The following ATXN3 variants were observed in gnomAD, a reference collection of about 807,000 sequenced individuals.
The protein encoded by ATXN3 is ataxin 3.
Under a neutral mutation model 58.2 loss-of-function variants are expected in ATXN3, and 28 were observed. The observed-to-expected ratio is 0.48, with a 90% CI of 0.36 to 0.66. The LOEUF is 0.66. ATXN3 is among the 30% of genes least tolerant of loss of function. The probability of loss-of-function intolerance (pLI) is 0.00; values close to 1 mark genes in which losing one functional copy is unlikely to be tolerated. For missense variants in ATXN3, 321 were observed against 422.1 expected (o/e 0.76, Z 2.10); for synonymous variants, 113 against 138.5 (o/e 0.82, Z 1.29).
upstream of ATXN3, among the ~76,000 whole-genome samples, chr14:92,052,285 G>A (rs1402836677): frequency 2.6e-5 from 4 of 151,532 alleles, no homozygotes; most frequent in Non-Finnish European, 4.4e-5. Flanking sequence ...ACCTGAGGTT[G>A]GGAGTTTGAG....
chr14:92,098,994 G>T (rs1400838787), intron 1 of ATXN3, among the ~76,000 whole-genome samples: 1 of 152,086 alleles, frequency 6.6e-6, no homozygotes, highest in Admixed American at 6.6e-5. Flanking sequence ...CCTCCTCCCC[G>T]CAACAGTGTA....
intron 6 of ATXN3, among the ~76,000 whole-genome samples, chr14:92,088,099 C>G (rs539431582): frequency 6.6e-6 from 1 of 150,666 alleles, no homozygotes; most frequent in Non-Finnish European, 1.5e-5. Context: ...GACGGAGTCT[C>G]GCTCTGTCGC....
intron 10 of ATXN3, among the ~76,000 whole-genome samples, chr14:92,067,945 C>T (rs1338937372): frequency 6.6e-6 from 1 of 152,186 alleles, no homozygotes. Context: ...TAGTCCTCCA[C>T]TGACATCTCT....
At chr14:92,099,639 CAGG>C (rs2066265490) in intron 1 of ATXN3, among the ~76,000 whole-genome samples, 1 of 152,136 alleles carries the variant, frequency 6.6e-6, no homozygotes, top group Non-Finnish European at 1.5e-5. Context: ...GAGGCCAAGG[CAGG>C]AGGATTACTT....
At chr14:92,075,447 G>C (rs1036461883) in intron 9 of ATXN3, among the ~76,000 whole-genome samples, 2 of 152,134 alleles carry the variant, frequency 1.3e-5, no homozygotes, top group African/African-American at 4.8e-5. Context: ...GATTACAAGC[G>C]TGAGCCATAG....
intron 9 of ATXN3, among the ~76,000 whole-genome samples, chr14:92,073,952 G>C (rs1020638931): frequency 1.3e-5 from 2 of 148,372 alleles, no homozygotes; most frequent in African/African-American, 2.5e-5. Context: ...GGCAGAGGTT[G>C]CAATGCGCCA....
chr14:92,080,917 C>T, intron 9 of ATXN3, 48 bp downstream of exon 9: 1 of 1,403,632 alleles, frequency 7.1e-7, no homozygotes, highest in Non-Finnish European at 1.0e-6. Flanking sequence ...ACAAAATAGC[C>T]AAAGCAAATA....
At chr14:92,093,356 G>A (rs1480903769) in intron 4 of ATXN3, 38 bp from the exon 5 acceptor site, 7 of 1,039,210 alleles carry the variant, frequency 6.7e-6, no homozygotes, top group Admixed American at 2.3e-5. Context: ...TTGAAATATT[G>A]AATTCATATT....
In ATXN3 at chr14:92,066,601, G is replaced by GGTTTT. The variant is rs1566910261; in HGVS notation, c.992-2188_992-2187insAAAAC. Among the ~76,000 whole-genome samples the GGTTTT allele has an allele frequency of 4.7e-5, 5 of 107,022 alleles. 1 individual carries two copies. Among genetic ancestry groups the GGTTTT allele is most frequent in the Non-Finnish European group, 1.8e-5 (1 of 54,282 alleles). The allele number at this position is 107,022 out of a possible 152,430, so 70.2% of individuals were successfully genotyped here. A position where few individuals can be genotyped will look rare whatever the true frequency, so the allele number is the denominator to read the frequency against. ...ACTCTGGGTTTAGAGTTTTTTTCTT[G>GGTTTT]TTTTTTTTTTTTTTTTTTTTTTTTG... On this transcript the variant is annotated intron_variant, in intron 10 of 10. Transcript: ENST00000644486.
intron 3 of ATXN3, among the ~76,000 whole-genome samples, chr14:92,095,235 T>C (rs1056905922): frequency 6.6e-6 from 1 of 152,130 alleles, no homozygotes; most frequent in Non-Finnish European, 1.5e-5. Flanking sequence ...TTGTGACTTA[T>C]TAGAATTAAG....
intron 1 of ATXN3, among the ~76,000 whole-genome samples, chr14:92,104,922 CAAA>C (rs11308589): frequency 0.086 from 10,718 of 124,726 alleles, 410 homozygotes; most frequent in Non-Finnish European, 0.095. Flanking sequence ...AACTCCATCT[CAAA>C]AAAAAAAAAA....
chr14:92,080,577 A>G (rs1033251437), intron 9 of ATXN3: 4 of 235,312 alleles, frequency 1.7e-5, no homozygotes, highest in Non-Finnish European at 3.4e-5. Flanking sequence ...TCTGTCACCC[A>G]GTCTGGAGGG....
intron 1 of ATXN3, 47 bp downstream of exon 1, chr14:92,106,482 C>G: frequency 6.2e-7 from 1 of 1,612,250 alleles, no homozygotes; most frequent in Non-Finnish European, 8.5e-7. Flanking sequence ...GCGCTCCACG[C>G]CCGCCACCGC....
chr14:92,098,627 C>A (rs759500714), intron 1 of ATXN3, among the ~76,000 whole-genome samples: 4 of 152,146 alleles, frequency 2.6e-5, no homozygotes, highest in Non-Finnish European at 5.9e-5. Context: ...AATCTAAATG[C>A]TTGTTGATAG....
chr14:92,066,708 A>G (rs1004292872), intron 10 of ATXN3, among the ~76,000 whole-genome samples: 20 of 149,852 alleles, frequency 1.3e-4, no homozygotes, highest in African/African-American at 4.7e-4. Context: ...CCTGGGTTCA[A>G]CCAATTCTCT....
intron 1 of ATXN3, among the ~76,000 whole-genome samples, chr14:92,103,325 T>C (rs571895893): frequency 7.9e-5 from 12 of 152,342 alleles, no homozygotes; most frequent in Non-Finnish European, 1.8e-4. Flanking sequence ...TGACAGAGAC[T>C]ACAGCTGGCC....
intron 9 of ATXN3, among the ~76,000 whole-genome samples, chr14:92,072,853 C>T (rs1356520509): frequency 6.6e-6 from 1 of 152,088 alleles, no homozygotes; most frequent in Non-Finnish European, 1.5e-5. Context: ...TAGAGTTCCT[C>T]TCAATTTTGT....
Position 92,081,101 on chromosome 14 carries a change from A to G in ATXN3, c.776-40T>C, listed in dbSNP as rs141931459. 12 of 1,337,156 alleles carry G rather than the reference A, an allele frequency of 9.0e-6. No individual in the cohort carries two copies. The African/African-American group carries it at 1.7e-4, about 19-fold the overall frequency. 82.8% of individuals were successfully genotyped at this position (1,337,156 alleles called of 1,614,324 possible). On this transcript the variant is annotated intron_variant, in intron 8 of 10. Coordinates refer to ENST00000644486, the MANE Select transcript of ATXN3 (RefSeq NM_004993.6). ...CAACACAACAAAAACCAATCACTGT[A>G]TTTACCAATTCAAGCAACAATATGT...
At position 92,106,535 on chromosome 14, in the gene ATXN3, G is replaced by A. The variant is rs769298166; in HGVS notation, c.18C>T (p.His6=). 2 of 1,613,310 alleles carry A rather than the reference G, an allele frequency of 1.2e-6. No homozygotes were observed. Among genetic ancestry groups the A allele is most frequent in the East Asian group, 2.2e-5 (1 of 44,790 alleles). Residue 6 remains histidine (H), a synonymous_variant, in exon 1 of 11, where the codon CAC becomes CAT. Transcript: ENST00000644486. ...ACCGAACGCGGACACTCACTTTCTC[G>A]TGGAAGATGGACTCCATGTTTATTT... MESIF[H]EKQEGSLCAQ...
Sources: gnomAD v4.1 joint callset for allele counts (sites outside exome capture counted in the v4.1 genomes callset) on GRCh38, gnomAD v4.1.1 for gene constraint, MANE v1.5 for transcripts, NCBI Gene and HGNC (gene_info 2026-07-23, HGNC 2026-07-21) for gene names.